Variants in BIN1 observed in about 807,000 individuals in gnomAD.
BIN1 encodes the protein bridging integrator 1.
Under a neutral mutation model 82.0 loss-of-function variants are expected in BIN1, and 53 were observed. The observed-to-expected ratio is 0.65, with a 90% CI of 0.52 to 0.81. BIN1 has a LOEUF of 0.81. BIN1 is among the 40% of genes least tolerant of loss of function. The probability of loss-of-function intolerance (pLI) is 0.00; values close to 1 mark genes in which losing one functional copy is unlikely to be tolerated. For synonymous variants in BIN1, 302 were observed against 328.0 expected (o/e 0.92, Z 0.86); for missense variants, 642 against 784.4 (o/e 0.82, Z 2.17).
rs1033705065 is a variant in BIN1, at chr2:127,057,204, C to T, written c.1131+269G>A. 2.0e-5 allele frequency among the ~76,000 whole-genome samples: 3 copies of T among 152,366 alleles called. No homozygotes were observed. The highest frequency in any genetic ancestry group is 2.1e-4 in the South Asian group (1 of 4,828). ...CTCTGCCATAGCACCCACTGCGTCG[C>T]GAGGGCGCTGCTGATGTAACTGCTG... On this transcript the variant is annotated intron_variant, in intron 12 of 18. Transcript: ENST00000316724. This position sits in a 1 kb window ranked among gnomAD's most constrained non-coding sequence, Gnocchi z 5.0.
chr2:127,070,373 T>C (rs1362495726), intron 4 of BIN1, among the ~76,000 whole-genome samples, 180 bp downstream of exon 4: 3 of 152,102 alleles, frequency 2.0e-5, no homozygotes, highest in Non-Finnish European at 4.4e-5. Context: ...TGACCCACCT[T>C]GGTGTGAGGG....
rs2105292088 is a variant in BIN1 at position 127,093,370 on chromosome 2, A to G, written c.84+13490T>C. On this transcript the variant is annotated intron_variant, in intron 1 of 18. Transcript: ENST00000316724. The surrounding 1 kb of genome is among the most constrained non-coding windows in gnomAD (Gnocchi z 5.7). ...ATTTTTCTTTCCCAAGGTGAAGCAT[A>G]AAGACCAAAACCCCTTTTCCCCAAA... 6.6e-6 allele frequency among the ~76,000 whole-genome samples: 1 copy of G among 152,308 alleles called. No homozygotes were observed. Among genetic ancestry groups the G allele is most frequent in the East Asian group, 1.9e-4 (1 of 5,192 alleles).
intron 12 of BIN1, chr2:127,054,319 C>T: frequency 2.4e-6 from 1 of 422,568 alleles, no homozygotes; most frequent in South Asian, 2.2e-5. Context: ...GGCCGCCACC[C>T]CGCAGGGCCA....
chr2:127,104,322 G>A (rs1183626748), intron 1 of BIN1, among the ~76,000 whole-genome samples: 1 of 152,178 alleles, frequency 6.6e-6, no homozygotes, highest in African/African-American at 2.4e-5. Context: ...GAGGCAGAAG[G>A]GTCAACAGGT....
chr2:127,051,730 A>G (rs1490335385), intron 15 of BIN1, among the ~76,000 whole-genome samples: 1 of 152,162 alleles, frequency 6.6e-6, no homozygotes, highest in Non-Finnish European at 1.5e-5. Context: ...GCGCAGCCCA[A>G]ATCCAAGAAG....
intron 1 of BIN1, among the ~76,000 whole-genome samples, chr2:127,100,999 C>CGGGGGCAGG (rs559593064): frequency 9.8e-6 from 1 of 101,686 alleles, no homozygotes. Context: ...TAGGAATGTG[C>CGGGGGCAGG]GGGGGGTGGG....
chr2:127,069,902 C>T (rs1314317170), intron 5 of BIN1, 93 bp downstream of exon 5: 2 of 1,347,614 alleles, frequency 1.5e-6, no homozygotes, highest in African/African-American at 2.9e-5. Context: ...CCAGGACAGC[C>T]TCCTCCTGGC....
chr2:127,091,179 G>A (rs1432791820), intron 1 of BIN1, among the ~76,000 whole-genome samples: 1 of 151,900 alleles, frequency 6.6e-6, no homozygotes, highest in Non-Finnish European at 1.5e-5. Context: ...CCCAGAGTCA[G>A]CTTTAGATAG....
At position 127,076,822 on chromosome 2, in the gene BIN1, C is replaced by G. The variant is rs922252287; in HGVS notation, c.85-116G>C. The G allele has an allele frequency of 1.2e-5, 15 of 1,224,060 alleles. No homozygotes were observed. The East Asian group carries it at 3.3e-4, about 27-fold the overall frequency. The allele number at this position is 1,224,060 out of a possible 1,614,324, so 75.8% of individuals were successfully genotyped here. A position where few individuals can be genotyped will look rare whatever the true frequency, so the allele number is the denominator to read the frequency against. Reference sequence around the variant, plus strand: ...GGGCTGGGAAGTCTCTAGCCAACATCACCCAGCCCAGGGTGCCCACCCAGG... The same window carrying G: ...GGGCTGGGAAGTCTCTAGCCAACATGACCCAGCCCAGGGTGCCCACCCAGG... On this transcript the variant is annotated intron_variant, in intron 1 of 18. Coordinates refer to ENST00000316724, the MANE Select transcript of BIN1 (RefSeq NM_139343.3).
chr2:127,094,499 G>C (rs1334379202), intron 1 of BIN1, among the ~76,000 whole-genome samples: 51 of 151,954 alleles, frequency 3.4e-4, no homozygotes, highest in African/African-American at 1.2e-3. Flanking sequence ...GGAACCTGGG[G>C]GGGTCCCGCT....
At chr2:127,066,220 C>T (rs1442451568) in intron 7 of BIN1, among the ~76,000 whole-genome samples, 1 of 152,212 alleles carries the variant, frequency 6.6e-6, no homozygotes, top group Non-Finnish European at 1.5e-5. Context: ...AGCCTCCAGC[C>T]AGGTATGAGT....
At position 127,068,332 on chromosome 2, in the gene BIN1, T is replaced by A; in HGVS notation, c.520-77A>T. On this transcript the variant is annotated intron_variant, in intron 6 of 18. Transcript: ENST00000316724. The surrounding 1 kb of genome is among the most constrained non-coding windows in gnomAD (Gnocchi z 4.9). The stretch of plus-strand genomic sequence containing the variant: ...GAGAGAGAAACAGAGACACACAGAT[T>A]AAATGCAGGTCCACACGCCCCACGC... 1 of 1,241,784 alleles carries A rather than the reference T, an allele frequency of 8.1e-7. No homozygotes were observed. Among genetic ancestry groups the A allele is most frequent in the Non-Finnish European group, 1.1e-6 (1 of 871,812 alleles). The allele number at this position is 1,241,784 out of a possible 1,614,324, so 76.9% of individuals were successfully genotyped here.
At chr2:127,089,204 G>T (rs535314437) in intron 1 of BIN1, among the ~76,000 whole-genome samples, 1 of 152,296 alleles carries the variant, frequency 6.6e-6, no homozygotes, top group African/African-American at 2.4e-5. Flanking sequence ...GGGTCCATCG[G>T]TGAGGAGCTT....
rs116142682 is a variant in BIN1 at position 127,087,636 on chromosome 2, G to A, written c.85-10930C>T. ...GGACCAGCCAAGGGCAGTGCAGGACGGACGGCAGAGCAGGAACCGCTCATC... is the reference window on the plus strand; with the variant it reads ...GGACCAGCCAAGGGCAGTGCAGGACAGACGGCAGAGCAGGAACCGCTCATC... On this transcript the variant is annotated intron_variant, in intron 1 of 18. Coordinates refer to ENST00000316724, the MANE Select transcript of BIN1 (RefSeq NM_139343.3). Among the ~76,000 whole-genome samples the A allele has an allele frequency of 8.0e-3, 1,212 of 152,318 alleles. 20 individuals are homozygous for A. The highest frequency in any genetic ancestry group is 0.027 in the African/African-American group (1,130 of 41,576).
At chr2:127,062,435 C>T (rs1305231462) in intron 9 of BIN1, among the ~76,000 whole-genome samples, 1 of 152,232 alleles carries the variant, frequency 6.6e-6, no homozygotes, top group Non-Finnish European at 1.5e-5. Flanking sequence ...CATCTTTTCC[C>T]CTCCTACTTA....
chr2:127,064,372 T>G (rs1684885931), intron 7 of BIN1, among the ~76,000 whole-genome samples: 1 of 152,158 alleles, frequency 6.6e-6, no homozygotes, highest in African/African-American at 2.4e-5. Context: ...CCCAGCCAAG[T>G]GGGGACCCTG....
chr2:127,054,498 G>A, intron 12 of BIN1: 1 of 171,174 alleles, frequency 5.8e-6, no homozygotes, highest in East Asian at 1.7e-4. Context: ...TCCCGACTGG[G>A]AAAGTTCCAA....
chr2:127,064,489 G>A (rs1684900763), intron 7 of BIN1, among the ~76,000 whole-genome samples: 1 of 152,156 alleles, frequency 6.6e-6, no homozygotes, highest in African/African-American at 2.4e-5. Context: ...GCCCCTGAGT[G>A]CTCCCTCCCC....
chr2:127,103,732 A>G (rs1022474676), intron 1 of BIN1, among the ~76,000 whole-genome samples: 2 of 152,098 alleles, frequency 1.3e-5, no homozygotes, highest in South Asian at 2.1e-4. Context: ...CCAGCCTGCC[A>G]ACCTCTAATC....
Sources: allele counts gnomAD v4.1 joint callset (sites outside exome capture counted in the v4.1 genomes callset), GRCh38; gene constraint gnomAD v4.1.1; non-coding constraint Gnocchi (gnomAD v3.1); transcripts MANE v1.5; gene names NCBI Gene and HGNC (gene_info 2026-07-23, HGNC 2026-07-21).